Variants in SGCD observed in about 807,000 individuals in gnomAD.
The protein encoded by SGCD is delta-sarcoglycan.
Under a neutral mutation model 36.6 loss-of-function variants are expected in SGCD, and 18 were observed. That is an observed-to-expected ratio of 0.49 (90% CI 0.34 to 0.73). SGCD has a LOEUF of 0.73. SGCD is among the 30% of genes least tolerant of loss of function. The probability of loss-of-function intolerance (pLI) is 0.01; values close to 1 mark genes in which losing one functional copy is unlikely to be tolerated. For synonymous variants in SGCD, 133 were observed against 130.6 expected (o/e 1.02, Z -0.12); for missense variants, 387 against 346.7 (o/e 1.12, Z -0.92).
chr5:155,935,116 C>T (rs1757170091), intron 1 of SGCD, among the ~76,000 whole-genome samples: 1 of 152,136 alleles, frequency 6.6e-6, no homozygotes, highest in Non-Finnish European at 1.5e-5. Flanking sequence ...CCTCCTGGTT[C>T]CTTTGTGAGT....
chr5:156,108,674 A>C (rs1222401458), intron 1 of SGCD, among the ~76,000 whole-genome samples: 1 of 152,152 alleles, frequency 6.6e-6, no homozygotes, highest in East Asian at 1.9e-4. Context: ...ATCAAGTCTT[A>C]CTGGCTTTCC....
At chr5:156,023,850 C>G (rs1235437120) in intron 1 of SGCD, among the ~76,000 whole-genome samples, 1 of 152,180 alleles carries the variant, frequency 6.6e-6, no homozygotes, top group Non-Finnish European at 1.5e-5. Flanking sequence ...TTGGTCTCAA[C>G]TTCTACTCTG....
In SGCD at chr5:156,391,105, A is replaced by T. The variant is rs558862984; in HGVS notation, c.192+46428A>T. Among the ~76,000 whole-genome samples the T allele has an allele frequency of 4.6e-4, 70 of 152,332 alleles. 1 individual carries two copies. The South Asian group carries it at 0.014, about 30-fold the overall frequency. On this transcript the variant is annotated intron_variant, in intron 3 of 8. Coordinates refer to ENST00000337851, the MANE Select transcript of SGCD (RefSeq NM_000337.6). ...CAAGCTCCATTCAAGAAAGTGCCCT[A>T]TACAGGTGAAACTTTGTATTTTAAA...
In SGCD at chr5:156,277,635, A is replaced by G. The variant is rs1190042729; in HGVS notation, c.-43-51899A>G. Reference sequence around the variant, plus strand: ...AAAGAGACTGAGTAGGTTTGCAATCAAACTCTCATTTATTCTTTGCCTCTA... The same window carrying G: ...AAAGAGACTGAGTAGGTTTGCAATCGAACTCTCATTTATTCTTTGCCTCTA... On this transcript the variant is annotated intron_variant, in intron 3 of 9. Transcript: ENST00000517913. Among the ~76,000 whole-genome samples, 3 of 152,198 alleles carry G rather than the reference A, an allele frequency of 2.0e-5. No homozygotes were observed. The East Asian group carries it at 5.8e-4, about 29-fold the overall frequency.
intron 3 of SGCD, among the ~76,000 whole-genome samples, chr5:156,353,482 T>G (rs1373018501): frequency 6.6e-6 from 1 of 152,210 alleles, no homozygotes; most frequent in African/African-American, 2.4e-5. Flanking sequence ...TGAAATAGAT[T>G]AAAGGTAGGA....
chr5:155,779,283 C>T, the SGCD span, among the ~76,000 whole-genome samples: 1 of 151,966 alleles, frequency 6.6e-6, no homozygotes, highest in African/African-American at 2.4e-5. Context: ...ACAAAAAGTA[C>T]AAAAATTAGC....
At chr5:156,255,848 A>G (rs1309132362) in intron 3 of SGCD, among the ~76,000 whole-genome samples, 1 of 152,018 alleles carries the variant, frequency 6.6e-6, no homozygotes, top group Admixed American at 6.6e-5. Flanking sequence ...CTATTTTAAT[A>G]ATAGCTATAT....
rs1200776914 is a variant in SGCD, at chr5:156,757,263, C to CCAA, written c.576-318_576-317insCAA. Among the ~76,000 whole-genome samples, 10 of 69,386 alleles carry CCAA rather than the reference C, an allele frequency of 1.4e-4. 2 individuals carry two copies. The highest frequency in any genetic ancestry group is 5.8e-4 in the African/African-American group (10 of 17,330). 45.5% of individuals were successfully genotyped at this position (69,386 alleles called of 152,430 possible). On this transcript the variant is annotated intron_variant, in intron 7 of 8. Coordinates refer to ENST00000337851, the MANE Select transcript of SGCD (RefSeq NM_000337.6). ...TAGATCCGGGATTGACTTACTTTTACAAAAAAAAAAAAAAAAAAAAAAAAA... is the reference window on the plus strand; with the variant it reads ...TAGATCCGGGATTGACTTACTTTTACCAAAAAAAAAAAAAAAAAAAAAAAAAAA...
At chr5:156,036,793 C>A (rs1032129299) in intron 1 of SGCD, among the ~76,000 whole-genome samples, 4 of 152,126 alleles carry the variant, frequency 2.6e-5, no homozygotes, top group Admixed American at 6.6e-5. Context: ...GGCTCATACT[C>A]TGTGTTAAGA....
chr5:155,887,970 T>C (rs1756045564), intron 1 of SGCD, among the ~76,000 whole-genome samples: 1 of 152,170 alleles, frequency 6.6e-6, no homozygotes, highest in Non-Finnish European at 1.5e-5. Flanking sequence ...AATACGAAAC[T>C]CAGAGAGATG....
chr5:156,070,364 C>A (rs1050018111), intron 1 of SGCD, among the ~76,000 whole-genome samples: 14 of 151,214 alleles, frequency 9.3e-5, no homozygotes, highest in African/African-American at 1.2e-4. Flanking sequence ...TTGTCAAAGG[C>A]CTTTTCTGCA....
chr5:156,417,893 C>T (rs1048431418), intron 3 of SGCD, among the ~76,000 whole-genome samples: 2 of 152,134 alleles, frequency 1.3e-5, no homozygotes, highest in African/African-American at 4.8e-5. Context: ...GGCCCTCACC[C>T]CTTGTCACAG....
chr5:156,690,962 T>G (rs1475897926), intron 7 of SGCD, among the ~76,000 whole-genome samples: 1 of 152,054 alleles, frequency 6.6e-6, no homozygotes, highest in East Asian at 1.9e-4. Flanking sequence ...ATCCCAGCAC[T>G]ATGGGAGTCC....
intron 1 of SGCD, among the ~76,000 whole-genome samples, chr5:156,045,488 T>G (rs1561694731): frequency 6.6e-6 from 1 of 152,214 alleles, no homozygotes; most frequent in Non-Finnish European, 1.5e-5. Flanking sequence ...CAGTATTCAA[T>G]GCAGGACCAC....
At chr5:156,730,669 A>G (rs539226625) in intron 7 of SGCD, among the ~76,000 whole-genome samples, 6 of 152,208 alleles carry the variant, frequency 3.9e-5, no homozygotes, top group African/African-American at 1.4e-4. Context: ...ATGGTGAATA[A>G]TGCTGTAATG....
At chr5:156,591,885 C>T (rs112343408) in intron 5 of SGCD, among the ~76,000 whole-genome samples, 1 of 152,160 alleles carries the variant, frequency 6.6e-6, no homozygotes, top group African/African-American at 2.4e-5. Context: ...GACAAGCCAT[C>T]TGCACCACTG....
intron 4 of SGCD, among the ~76,000 whole-genome samples, chr5:156,532,188 T>A (rs1757917193): frequency 6.6e-6 from 1 of 152,170 alleles, no homozygotes; most frequent in Non-Finnish European, 1.5e-5. Context: ...TATCAGGAAA[T>A]GAGGAATGCT....
intron 3 of SGCD, among the ~76,000 whole-genome samples, chr5:156,177,764 C>T (rs1017583839): frequency 2.0e-5 from 3 of 152,084 alleles, no homozygotes; most frequent in African/African-American, 7.2e-5. Flanking sequence ...TCCTACAAAA[C>T]CAGGGATCTA....
At chr5:156,656,733 T>C (rs1003272304) in intron 7 of SGCD, among the ~76,000 whole-genome samples, 1 of 152,192 alleles carries the variant, frequency 6.6e-6, no homozygotes, top group Non-Finnish European at 1.5e-5. Context: ...ATTTCACTAA[T>C]CTCAAATCTA....
Sources: allele counts gnomAD v4.1 joint callset (sites outside exome capture counted in the v4.1 genomes callset), GRCh38; gene constraint gnomAD v4.1.1; transcripts MANE v1.5; gene names NCBI Gene and HGNC (gene_info 2026-07-23, HGNC 2026-07-21).